RFTN1: variants seen among roughly 807,000 people sequenced by gnomAD.
RFTN1 encodes raftlin.
In RFTN1, 26 loss-of-function variants were observed where a neutral mutation model predicts 46.5. The ratio of observed to expected loss-of-function variants is 0.56; its 90% CI spans 0.41 to 0.78. The LOEUF (loss-of-function observed/expected upper bound fraction) is 0.78, where lower values mean the gene tolerates loss of function less well. Ranked by LOEUF, RFTN1 falls within the 30% of genes least tolerant of loss-of-function variation. The pLI, the probability that RFTN1 is intolerant of heterozygous loss-of-function variation, is 0.00. For missense variants in RFTN1, 693 were observed against 718.7 expected, an observed-to-expected ratio of 0.96 and a Z score of 0.41; for synonymous variants, 261 against 284.2, an observed-to-expected ratio of 0.92 and a Z score of 0.82.
In RFTN1 at chr3:16,381,466, C is replaced by A. The variant is rs554130946; in HGVS notation, c.442-3364G>T. Among the ~76,000 whole-genome samples, 3 of 152,268 alleles carry A rather than the reference C, an allele frequency of 2.0e-5. No individual in the cohort carries two copies. In the South Asian group the frequency reaches 6.2e-4, roughly 32 times the overall value. On this transcript the variant is annotated intron_variant, in intron 4 of 9. Coordinates refer to ENST00000334133, the MANE Select transcript of RFTN1 (RefSeq NM_015150.2). This position sits in a 1 kb window ranked among gnomAD's most constrained non-coding sequence, Gnocchi z 4.2. The stretch of plus-strand genomic sequence containing the variant: ...TTCTCCGAGTAGATCAGGGATGTAA[C>A]AAATGACGTGGTGTAACACAAAAGG...
In RFTN1 at chr3:16,493,813, A is replaced by C. The variant is rs2124993041; in HGVS notation, c.57T>G (p.Ile19Met). 1 of 1,614,146 alleles carries C rather than the reference A, an allele frequency of 6.2e-7. No individual in the cohort carries two copies. Among genetic ancestry groups the C allele is most frequent in the East Asian group, 2.2e-5 (1 of 44,878 alleles). Residue 19 changes from isoleucine (I) to methionine (M), a missense_variant, in exon 2 of 10, where the codon ATT becomes ATG. Coordinates refer to ENST00000334133, the MANE Select transcript of RFTN1 (RefSeq NM_015150.2). ...CCTGAGGCCTCTTCAAAGTTGAATAAATATTCCCAGGCCGTTTTTCATCAC... is the reference window on the plus strand; with the variant it reads ...CCTGAGGCCTCTTCAAAGTTGAATACATATTCCCAGGCCGTTTTTCATCAC... ...EKRDEKRPGN[I>M]YSTLKRPQVE...
chr3:16,334,885 G>C lies in RFTN1; in HGVS notation c.1147-8009C>G, dbSNP rs549089653. Among the ~76,000 whole-genome samples, 8 of 152,326 alleles carry C rather than the reference G, an allele frequency of 5.3e-5. No homozygotes were observed. In the South Asian group the frequency reaches 1.5e-3, roughly 28 times the overall value. On this transcript the variant is annotated intron_variant, in intron 7 of 9. Transcript: ENST00000334133. The surrounding 1 kb of genome is among the most constrained non-coding windows in gnomAD (Gnocchi z 4.3). ...AATCACAGGGGTCCTTATAAGGACA[G>C]GCAGGAAGGCCAGAGTCAGAGGAAG...
rs1239079010 is a variant in RFTN1 at position 16,428,074 on chromosome 3, T to C, written c.332+5777A>G. On this transcript the variant is annotated intron_variant, in intron 3 of 9. Transcript: ENST00000334133. This position sits in a 1 kb window ranked among gnomAD's most constrained non-coding sequence, Gnocchi z 4.7. Reference sequence around the variant, plus strand: ...AGTTTCTTGAGATCTAGGAGCTCCTTAGAGTCATCTTTGCATAGTGAAATT... The same window carrying C: ...AGTTTCTTGAGATCTAGGAGCTCCTCAGAGTCATCTTTGCATAGTGAAATT... 1.3e-5 allele frequency among the ~76,000 whole-genome samples: 2 copies of C among 152,216 alleles called. No individual in the cohort carries two copies. Among genetic ancestry groups the C allele is most frequent in the Non-Finnish European group, 2.9e-5 (2 of 68,038 alleles).
rs556207083 is a variant in RFTN1 at position 16,381,626 on chromosome 3, A to C, written c.442-3524T>G. ...ACTCTGCAGAAGGCTTTGAAGGATG[A>C]ATAAGAGTTCAGCACATATGTAAAG... is the stretch of plus-strand genomic sequence containing the variant. On this transcript the variant is annotated intron_variant, in intron 4 of 9. Coordinates refer to ENST00000334133, the MANE Select transcript of RFTN1 (RefSeq NM_015150.2). This position sits in a 1 kb window ranked among gnomAD's most constrained non-coding sequence, Gnocchi z 4.2. Among the ~76,000 whole-genome samples, 4 of 152,370 alleles carry C rather than the reference A, an allele frequency of 2.6e-5. No homozygotes were observed. Among genetic ancestry groups the C allele is most frequent in the Admixed American group, 2.0e-4 (3 of 15,308 alleles).
rs1406936501 is a variant in RFTN1 at position 16,433,865 on chromosome 3, G to C, written c.318C>G (p.Ile106Met). The change falls in exon 3 of 10, where the codon ATC (isoleucine) becomes ATG (methionine). Residue 106 changes from isoleucine to methionine, a missense_variant. Ile to Met is a conservative substitution (Grantham distance 10, BLOSUM62 1). Transcript: ENST00000334133. The surrounding 1 kb of genome is among the most constrained non-coding windows in gnomAD (Gnocchi z 4.4). The part of the protein sequence containing the change: ...PLEHIFRAIL[I>M]KKTDRSQKTD... Reference sequence around the variant, plus strand: ...GGAGGCCTTACCTGTCGGTTTTCTTGATCAGGATGGCTCTAAAGATGTGCT... The same window carrying C: ...GGAGGCCTTACCTGTCGGTTTTCTTCATCAGGATGGCTCTAAAGATGTGCT... 6.2e-7 allele frequency: 1 copy of C among 1,613,916 alleles called. No homozygotes were observed. Among genetic ancestry groups the C allele is most frequent in the African/African-American group, 1.3e-5 (1 of 74,896 alleles).
chr3:16,364,925 C>T (rs55710375), intron 6 of RFTN1, among the ~76,000 whole-genome samples: 16,208 of 152,176 alleles, frequency 0.11, 1,041 homozygotes, highest in African/African-American at 0.18. Flanking sequence ...TTAAGTTCTA[C>T]GTCTTGATCT....
intron 2 of RFTN1, among the ~76,000 whole-genome samples, chr3:16,463,679 T>A (rs2076043089): frequency 6.6e-6 from 1 of 152,228 alleles, no homozygotes; most frequent in Admixed American, 6.5e-5. Context: ...TGTGAATCTG[T>A]TTCTATCATT....
rs749665103 is a variant in RFTN1 at position 16,317,652 on chromosome 3, G to A, written c.1333-420C>T. On this transcript the variant is annotated intron_variant, in intron 9 of 9. Coordinates refer to ENST00000334133, the MANE Select transcript of RFTN1 (RefSeq NM_015150.2). The surrounding 1 kb of genome is among the most constrained non-coding windows in gnomAD (Gnocchi z 4.3). Reference sequence around the variant, plus strand: ...GAGCAGGCTGAGGATTACCAGGCACGGGGCTGGCATTCTCTCACTAGGTCA... The same window carrying A: ...GAGCAGGCTGAGGATTACCAGGCACAGGGCTGGCATTCTCTCACTAGGTCA... Among the ~76,000 whole-genome samples the A allele has an allele frequency of 2.4e-4, 37 of 152,254 alleles. No homozygotes were observed. The highest frequency in any genetic ancestry group is 3.7e-4 in the Non-Finnish European group (25 of 68,016).
At position 16,427,364 on chromosome 3, in the gene RFTN1, TTA is replaced by T. The variant is rs2075307018; in HGVS notation, c.332+6485_332+6486del. On this transcript the variant is annotated intron_variant, in intron 3 of 9. Coordinates refer to ENST00000334133, the MANE Select transcript of RFTN1 (RefSeq NM_015150.2). The surrounding 1 kb of genome is among the most constrained non-coding windows in gnomAD (Gnocchi z 5.4). ...GAATAAAGACAGAGTCTTCAGAATT[TTA>T]GATTCTGGGTCTCAAGAGGAGAAAC... Among the ~76,000 whole-genome samples, 1 of 152,164 alleles carries T rather than the reference TTA, an allele frequency of 6.6e-6. No individual in the cohort carries two copies. The highest frequency in any genetic ancestry group is 2.4e-5 in the African/African-American group (1 of 41,434).
At chr3:16,463,946 G>A (rs1459333944) in intron 2 of RFTN1, among the ~76,000 whole-genome samples, 2 of 152,088 alleles carry the variant, frequency 1.3e-5, no homozygotes, top group Non-Finnish European at 2.9e-5. Flanking sequence ...AGCCCTCCTG[G>A]ACTTCACTGA....
At position 16,387,753 on chromosome 3, in the gene RFTN1, C is replaced by G. The variant is rs2074238097; in HGVS notation, c.442-9651G>C. 6.6e-6 allele frequency among the ~76,000 whole-genome samples: 1 copy of G among 152,168 alleles called. No homozygotes were observed. Among genetic ancestry groups the G allele is most frequent in the Admixed American group, 6.5e-5 (1 of 15,276 alleles). ...CTCACCGACTCCACCTCCACTCACT[C>G]TCTAGCTTCTGTACTGCCTCCTCAC... On this transcript the variant is annotated intron_variant, in intron 4 of 9. Transcript: ENST00000334133. The surrounding 1 kb of genome is among the most constrained non-coding windows in gnomAD (Gnocchi z 5.2).
chr3:16,355,118 A>G (rs1017215223), intron 7 of RFTN1, among the ~76,000 whole-genome samples: 1 of 152,140 alleles, frequency 6.6e-6, no homozygotes, highest in Admixed American at 6.5e-5. Flanking sequence ...TCTTCTTCTG[A>G]GCCCTCAACA....
chr3:16,327,353 C>T lies in RFTN1; in HGVS notation c.1147-477G>A, dbSNP rs143948046. 6.9e-4 allele frequency among the ~76,000 whole-genome samples: 105 copies of T among 152,308 alleles called. No individual in the cohort carries two copies. Among genetic ancestry groups the T allele is most frequent in the Admixed American group, 1.7e-3 (26 of 15,296 alleles). On this transcript the variant is annotated intron_variant, in intron 7 of 9. Transcript: ENST00000334133. The surrounding 1 kb of genome is among the most constrained non-coding windows in gnomAD (Gnocchi z 4.2). Reference sequence around the variant, plus strand: ...ATGCACATCCACATGTGTGTGTACACGCAGAAGCTGCTTTGCCTGTGTTAT... The same window carrying T: ...ATGCACATCCACATGTGTGTGTACATGCAGAAGCTGCTTTGCCTGTGTTAT...
At chr3:16,340,026 G>A (rs2071208085) in intron 7 of RFTN1, among the ~76,000 whole-genome samples, 1 of 152,214 alleles carries the variant, frequency 6.6e-6, no homozygotes, top group African/African-American at 2.4e-5. Context: ...TATTTTGCAT[G>A]TGGAAGTTGG....
At position 16,352,292 on chromosome 3, in the gene RFTN1, C is replaced by T. The variant is rs2072153469; in HGVS notation, c.1146+5640G>A. Among the ~76,000 whole-genome samples the T allele has an allele frequency of 6.6e-6, 1 of 152,176 alleles. No homozygotes were observed. ...GGAAAAGGCTCTATGGCTCAGGTAGCACCTGGTGGTGTCTATAAGCTCTGA... is the reference window on the plus strand; with the variant it reads ...GGAAAAGGCTCTATGGCTCAGGTAGTACCTGGTGGTGTCTATAAGCTCTGA... On this transcript the variant is annotated intron_variant, in intron 7 of 9. Transcript: ENST00000334133. The surrounding 1 kb of genome is among the most constrained non-coding windows in gnomAD (Gnocchi z 4.6).
chr3:16,370,564 G>A lies in RFTN1; in HGVS notation c.827-285C>T, dbSNP rs2073454572. 6.6e-6 allele frequency among the ~76,000 whole-genome samples: 1 copy of A among 152,234 alleles called. No individual in the cohort carries two copies. Among genetic ancestry groups the A allele is most frequent in the Non-Finnish European group, 1.5e-5 (1 of 68,034 alleles). On this transcript the variant is annotated intron_variant, in intron 5 of 9. Coordinates refer to ENST00000334133, the MANE Select transcript of RFTN1 (RefSeq NM_015150.2). The surrounding 1 kb of genome is among the most constrained non-coding windows in gnomAD (Gnocchi z 5.5). ...CTGTTATCTGCGATTAATAGGCACA[G>A]CTAGGTGTTTGAGAAAAGAACATAG... is the stretch of plus-strand genomic sequence containing the variant.
rs1005954414 is a variant in RFTN1, at chr3:16,407,395, G to T, written c.441+1980C>A. 1.3e-5 allele frequency among the ~76,000 whole-genome samples: 2 copies of T among 151,096 alleles called. No individual in the cohort carries two copies. The highest frequency in any genetic ancestry group is 2.9e-5 in the Non-Finnish European group (2 of 67,868). ...TTGGCAGAGATGGAGGTCTCACTATGTTGCCCAGTCTAATCTCAAACTCCT... is the reference window on the plus strand; with the variant it reads ...TTGGCAGAGATGGAGGTCTCACTATTTTGCCCAGTCTAATCTCAAACTCCT... On this transcript the variant is annotated intron_variant, in intron 4 of 9. Coordinates refer to ENST00000334133, the MANE Select transcript of RFTN1 (RefSeq NM_015150.2). This position sits in a 1 kb window ranked among gnomAD's most constrained non-coding sequence, Gnocchi z 4.0.
intron 5 of RFTN1, among the ~76,000 whole-genome samples, chr3:16,375,633 C>A (rs1442961216): frequency 6.6e-6 from 1 of 152,112 alleles, no homozygotes; most frequent in Non-Finnish European, 1.5e-5. Flanking sequence ...TTCAGAGATT[C>A]GCAGCCTGAG....
At chr3:16,360,226 C>G (rs116648456) in intron 6 of RFTN1, among the ~76,000 whole-genome samples, 1,538 of 151,740 alleles carry the variant, frequency 0.01, 32 homozygotes, top group African/African-American at 0.036. Flanking sequence ...GACTGGAGTG[C>G]CATGGCACAA....
Sources: allele counts gnomAD v4.1 joint callset (sites outside exome capture counted in the v4.1 genomes callset), GRCh38; gene constraint gnomAD v4.1.1; non-coding constraint Gnocchi (gnomAD v3.1); transcripts MANE v1.5; gene names NCBI Gene and HGNC (gene_info 2026-07-23, HGNC 2026-07-21).